Variants in ANKRD44 observed in about 807,000 individuals in gnomAD.
ANKRD44 encodes the protein serine/threonine-protein phosphatase 6 regulatory ankyrin repeat subunit B.
Under a neutral mutation model 116.0 loss-of-function variants are expected in ANKRD44, and 35 were observed. That is an observed-to-expected ratio of 0.30 (90% confidence interval 0.23 to 0.40). The LOEUF is 0.40. Ranked by LOEUF, ANKRD44 falls within the 10% of genes least tolerant of loss-of-function variation. The pLI, the probability that ANKRD44 is intolerant of heterozygous loss-of-function variation, is 1.00. For missense variants in ANKRD44, 1,014 were observed against 1,242.6 expected (o/e 0.82, Z 2.77); for synonymous variants, 435 against 461.8 (o/e 0.94, Z 0.74).
At chr2:197,242,895 G>A (rs957581444) in intron 1 of ANKRD44, among the ~76,000 whole-genome samples, 5 of 152,188 alleles carry the variant, frequency 3.3e-5, no homozygotes, top group Non-Finnish European at 7.3e-5. Context: ...CTGTCAGTCC[G>A]CCAGGCTAAC....
intron 16 of ANKRD44, among the ~76,000 whole-genome samples, chr2:197,074,512 C>CCCAGCCTGTACA (rs1469771063): frequency 6.6e-6 from 1 of 152,134 alleles, no homozygotes; most frequent in East Asian, 1.9e-4. Flanking sequence ...TGTTCTGTCA[C>CCCAGCCTGTACA]CCAGGCTGTA....
chr2:196,998,843 T>C (rs1302632539), intron 24 of ANKRD44, 64 bp downstream of exon 24: 2 of 1,584,720 alleles, frequency 1.3e-6, no homozygotes, highest in African/African-American at 2.7e-5. Context: ...ACTGATTTCT[T>C]GATTTGACAT....
At chr2:197,252,328 A>ACCCGC (rs1553540463) in intron 1 of ANKRD44, among the ~76,000 whole-genome samples, 44 of 147,928 alleles carry the variant, frequency 3.0e-4, no homozygotes, top group East Asian at 1.9e-3. Flanking sequence ...GCTCCCCGCT[A>ACCCGC]CCCGCCCCGC....
At chr2:197,169,837 C>G (rs1390814424) in intron 2 of ANKRD44, among the ~76,000 whole-genome samples, 1 of 152,040 alleles carries the variant, frequency 6.6e-6, no homozygotes, top group Non-Finnish European at 1.5e-5. Context: ...AGCAGTATGT[C>G]TCGAGGTATA....
intron 1 of ANKRD44, among the ~76,000 whole-genome samples, chr2:197,297,479 A>G (rs2083757562): frequency 6.6e-6 from 1 of 152,234 alleles, no homozygotes; most frequent in African/African-American, 2.4e-5. Flanking sequence ...TATTTATTAT[A>G]GAGTGCCAAC....
chr2:197,065,534 A>G (rs1279910986), intron 16 of ANKRD44, among the ~76,000 whole-genome samples: 1 of 152,202 alleles, frequency 6.6e-6, no homozygotes, highest in Non-Finnish European at 1.5e-5. Context: ...AAAAGATAAC[A>G]CAATTGATAG....
chr2:197,144,796 C>T (rs1259344160), intron 3 of ANKRD44, among the ~76,000 whole-genome samples: 1 of 152,082 alleles, frequency 6.6e-6, no homozygotes, highest in Non-Finnish European at 1.5e-5. Context: ...TGATGTGAAA[C>T]CATGTTTGTC....
intron 17 of ANKRD44, among the ~76,000 whole-genome samples, chr2:197,019,548 C>T (rs531342868): frequency 1.3e-5 from 2 of 152,324 alleles, no homozygotes; most frequent in South Asian, 4.1e-4. Flanking sequence ...CATGGTTACA[C>T]AGCCTAATGT....
intron 8 of ANKRD44, 21 bp from the exon 9 acceptor site, chr2:197,110,865 GA>G: frequency 6.3e-7 from 1 of 1,593,550 alleles, no homozygotes; most frequent in Non-Finnish European, 8.6e-7. Flanking sequence ...GAGAGGGAGA[GA>G]AAAACAATGG....
intron 1 of ANKRD44, among the ~76,000 whole-genome samples, chr2:197,236,710 A>G (rs1461264224): frequency 2.4e-5 from 3 of 123,422 alleles, no homozygotes; most frequent in Non-Finnish European, 5.0e-5. Flanking sequence ...GCAACAAACT[A>G]CTCAAAAAAA....
intron 6 of ANKRD44, among the ~76,000 whole-genome samples, chr2:197,123,721 C>G (rs184242318): frequency 1.3e-5 from 2 of 152,270 alleles, no homozygotes; most frequent in Non-Finnish European, 2.9e-5. Context: ...GATCATTGCT[C>G]TAAATATGGC....
intron 14 of ANKRD44, 152 bp downstream of exon 14, chr2:197,083,217 C>A: frequency 1.0e-6 from 1 of 955,824 alleles, no homozygotes; most frequent in Non-Finnish European, 1.5e-6. Flanking sequence ...TTGACCAGAA[C>A]AGGAAAGCCC....
At chr2:197,272,111 G>C (rs114324912) in intron 1 of ANKRD44, among the ~76,000 whole-genome samples, 2,090 of 152,316 alleles carry the variant, frequency 0.014, 16 homozygotes, top group Non-Finnish European at 0.02. Flanking sequence ...CAAGAAGTCT[G>C]CAGCCTGCAA....
chr2:197,279,631 G>A (rs1337608133), intron 1 of ANKRD44, among the ~76,000 whole-genome samples: 1 of 152,056 alleles, frequency 6.6e-6, no homozygotes, highest in African/African-American at 2.4e-5. Context: ...CTCTTCCCTT[G>A]CTGACCTCTG....
intron 1 of ANKRD44, among the ~76,000 whole-genome samples, chr2:197,242,253 T>C (rs1382186655): frequency 6.7e-6 from 1 of 150,122 alleles, no homozygotes; most frequent in Non-Finnish European, 1.5e-5. Flanking sequence ...AGAAAAGTTA[T>C]AACAGATCTA....
At position 196,971,511 on chromosome 2, in the gene ANKRD44, C is replaced by T. The variant is rs114743628; in HGVS notation, c.2369-4065G>A. 3.6e-3 allele frequency among the ~76,000 whole-genome samples: 547 copies of T among 152,290 alleles called. 4 individuals are homozygous for T. Among genetic ancestry groups the T allele is most frequent in the African/African-American group, 0.013 (527 of 41,544 alleles). Reference sequence around the variant, plus strand: ...AGCTGGGAGTACCGGCATGTGCCACCATGCCCCACATTAATTATTTTTAAC... The same window carrying T: ...AGCTGGGAGTACCGGCATGTGCCACTATGCCCCACATTAATTATTTTTAAC... On this transcript the variant is annotated intron_variant, in intron 21 of 21. Coordinates refer to the ANKRD44 transcript ENST00000424317.
intron 17 of ANKRD44, among the ~76,000 whole-genome samples, chr2:197,023,210 T>C (rs2076530194): frequency 6.6e-6 from 1 of 152,254 alleles, no homozygotes; most frequent in Non-Finnish European, 1.5e-5. Flanking sequence ...ACAATGGCCC[T>C]ACGTTGAGGT....
At chr2:197,066,745 C>T (rs2077441532) in intron 16 of ANKRD44, among the ~76,000 whole-genome samples, 1 of 152,156 alleles carries the variant, frequency 6.6e-6, no homozygotes, top group Non-Finnish European at 1.5e-5. Flanking sequence ...AGGACCTCTT[C>T]AAGCAGAACT....
At chr2:197,264,304 A>G (rs916480038) in intron 1 of ANKRD44, among the ~76,000 whole-genome samples, 1 of 152,326 alleles carries the variant, frequency 6.6e-6, no homozygotes, top group South Asian at 2.1e-4. Flanking sequence ...TCAGACCATT[A>G]TAGATGAGAG....
Sources: gnomAD v4.1 joint callset for allele counts (sites outside exome capture counted in the v4.1 genomes callset) on GRCh38, gnomAD v4.1.1 for gene constraint, MANE v1.5 for transcripts, NCBI Gene and HGNC (gene_info 2026-07-23, HGNC 2026-07-21) for gene names.